Variants in FBXW10B observed in about 807,000 individuals in gnomAD.
FBXW10B encodes the protein F-box and WD repeat domain containing protein 10B.
chr17:15,573,346 A>G, the FBXW10B span: 11 of 152,324 alleles, frequency 7.2e-5, no homozygotes, highest in Admixed American at 1.3e-4. Context: ...AGAACCCCAT[A>G]GAATTCTCCA....
At chr17:15,589,279 A>G in the FBXW10B span, 21 of 1,606,584 alleles carry the variant, frequency 1.3e-5, no homozygotes, top group Non-Finnish European at 1.8e-5. Flanking sequence ...GTGGGTGCAC[A>G]TGACATACAC....
At chr17:15,587,338 C>G in the FBXW10B span, among the ~76,000 whole-genome samples, 2 of 151,562 alleles carry the variant, frequency 1.3e-5, no homozygotes, top group Non-Finnish European at 2.9e-5. Flanking sequence ...AGTCTCTCAG[C>G]TGTAATTTAT....
chr17:15,590,859 C>G, the FBXW10B span, among the ~76,000 whole-genome samples: 1 of 152,224 alleles, frequency 6.6e-6, no homozygotes, highest in Admixed American at 6.5e-5. Flanking sequence ...GGAGACACCC[C>G]CATCCCTGGC....
the FBXW10B span, chr17:15,565,542 T>C: frequency 6.2e-7 from 1 of 1,613,296 alleles, no homozygotes; most frequent in Non-Finnish European, 8.5e-7. Context: ...TTTAGATAAA[T>C]ACATTTTGTC....
At chr17:15,569,234 A>G in the FBXW10B span, among the ~76,000 whole-genome samples, 1 of 152,070 alleles carries the variant, frequency 6.6e-6, no homozygotes, top group East Asian at 1.9e-4. Flanking sequence ...CATAGAGGCT[A>G]TACTAATTTA....
the FBXW10B span, chr17:15,596,626 A>G: frequency 1.2e-6 from 2 of 1,613,622 alleles, no homozygotes; most frequent in South Asian, 2.2e-5. Context: ...TTTGTGTCTA[A>G]ACGTCTTCAG....
chr17:15,607,533 C>A, the FBXW10B span: 1 of 1,589,366 alleles, frequency 6.3e-7, no homozygotes, highest in Non-Finnish European at 8.6e-7. Context: ...GTGGATAACT[C>A]AAGCGTCCCT....
chr17:15,601,147 C>A, the FBXW10B span, among the ~76,000 whole-genome samples: 1 of 148,954 alleles, frequency 6.7e-6, no homozygotes, highest in East Asian at 2.0e-4. Flanking sequence ...CAGTAGCTCA[C>A]GCCTGTAATC....
the FBXW10B span, chr17:15,612,501 G>A: frequency 6.3e-6 from 2 of 316,768 alleles, no homozygotes; most frequent in South Asian, 2.5e-4. Context: ...GTGACATAGT[G>A]AGACTCCATC....
the FBXW10B span, among the ~76,000 whole-genome samples, chr17:15,601,704 CAA>C: frequency 6.6e-6 from 1 of 152,102 alleles, no homozygotes; most frequent in African/African-American, 2.4e-5. Context: ...GTGTGTTTAC[CAA>C]ACTAATCTAT....
the FBXW10B span, chr17:15,565,746 G>T: frequency 1.2e-6 from 2 of 1,613,900 alleles, no homozygotes; most frequent in East Asian, 4.5e-5. Context: ...CGAACTCAGC[G>T]TTCACTCTAA....
At chr17:15,612,875 G>A in the FBXW10B span, 1 of 1,595,084 alleles carries the variant, frequency 6.3e-7, no homozygotes, top group South Asian at 1.1e-5. Context: ...GCTTCTCTTG[G>A]CTCCAACTCT....
At chr17:15,615,515 A>G in the FBXW10B span, 2 of 1,459,466 alleles carry the variant, frequency 1.4e-6, no homozygotes, top group East Asian at 2.5e-5. Flanking sequence ...GGGTTTCACC[A>G]TGTTAGCCAG....
At chr17:15,606,819 G>A in the FBXW10B span, among the ~76,000 whole-genome samples, 3 of 151,964 alleles carry the variant, frequency 2.0e-5, no homozygotes, top group African/African-American at 4.8e-5. Flanking sequence ...TATCTTATCT[G>A]TTCTGTCTTC....
the FBXW10B span, chr17:15,615,803 T>C: frequency 3.7e-6 from 6 of 1,613,860 alleles, no homozygotes; most frequent in East Asian, 2.2e-5. Context: ...GATGTCTTGA[T>C]TGAGCCCTGA....
the FBXW10B span, among the ~76,000 whole-genome samples, chr17:15,584,360 A>AT: frequency 1.1e-4 from 16 of 152,238 alleles, no homozygotes. Context: ...TAAAACCACA[A>AT]TTTAGCATAT....
At chr17:15,598,384 G>A in the FBXW10B span, 5 of 1,198,998 alleles carry the variant, frequency 4.2e-6, no homozygotes, top group Non-Finnish European at 5.6e-6. Flanking sequence ...TGGAAGGAAG[G>A]AAGGATGGGT....
the FBXW10B span, among the ~76,000 whole-genome samples, chr17:15,614,786 C>T: frequency 6.6e-5 from 10 of 152,096 alleles, no homozygotes; most frequent in Non-Finnish European, 1.5e-4. Flanking sequence ...GAATCTATGC[C>T]TTGTATTTCC....
At chr17:15,567,132 C>T in the FBXW10B span, among the ~76,000 whole-genome samples, 1 of 151,558 alleles carries the variant, frequency 6.6e-6, no homozygotes, top group Non-Finnish European at 1.5e-5. Flanking sequence ...ATTAGCCGGG[C>T]GTGGTGGCAG....
Sources: allele counts gnomAD v4.1 joint callset (sites outside exome capture counted in the v4.1 genomes callset), GRCh38; gene constraint gnomAD v4.1.1; transcripts MANE v1.5; gene names NCBI Gene and HGNC (gene_info 2026-07-23, HGNC 2026-07-21).